The following MAST4 variants were observed in gnomAD, a reference collection of about 807,000 sequenced individuals.
The protein encoded by MAST4 is microtubule-associated serine/threonine-protein kinase 4.
A neutral mutation model predicts 162.7 loss-of-function variants in MAST4; 89 were observed. The ratio of observed to expected loss-of-function variants is 0.55; its 90% CI spans 0.46 to 0.65. The LOEUF is 0.65. MAST4 is among the 30% of genes least tolerant of loss of function. MAST4 has a pLI of 0.00. For synonymous variants in MAST4, 1,479 were observed against 1,361.1 expected, an observed-to-expected ratio of 1.09 and a Z score of -1.91; for missense variants, 3,153 against 3,374.0, an observed-to-expected ratio of 0.93 and a Z score of 1.62.
intron 4 of MAST4, among the ~76,000 whole-genome samples, chr5:67,049,070 T>TATAC: frequency 7.0e-6 from 1 of 142,614 alleles, no homozygotes; most frequent in Non-Finnish European, 1.5e-5. Flanking sequence ...CGTATATATA[T>TATAC]ATATATATAC....
chr5:66,613,707 A>ATTT (rs1743449167), intron 1 of MAST4, among the ~76,000 whole-genome samples: 1 of 152,126 alleles, frequency 6.6e-6, no homozygotes, highest in African/African-American at 2.4e-5. Flanking sequence ...AGAGCCTGTG[A>ATTT]TTTTATAAGG....
At chr5:66,792,946 A>T (rs1306515260) in intron 3 of MAST4, among the ~76,000 whole-genome samples, 1 of 152,256 alleles carries the variant, frequency 6.6e-6, no homozygotes, top group African/African-American at 2.4e-5. Context: ...TCAATATAAC[A>T]GTTCCGTGCC....
chr5:66,951,127 T>G (rs1744629111), intron 4 of MAST4, among the ~76,000 whole-genome samples: 1 of 152,226 alleles, frequency 6.6e-6, no homozygotes, highest in South Asian at 2.1e-4. Context: ...AAATTAGGCC[T>G]TAAGGTTCTG....
intron 4 of MAST4, chr5:66,917,112 C>T (rs1764164369): frequency 4.2e-6 from 3 of 706,908 alleles, no homozygotes; most frequent in Admixed American, 4.1e-5. Flanking sequence ...TACATTCTCA[C>T]CAGCACTGGA....
At chr5:66,852,189 C>T (rs1313500832) in intron 3 of MAST4, among the ~76,000 whole-genome samples, 1 of 152,020 alleles carries the variant, frequency 6.6e-6, no homozygotes, top group Non-Finnish European at 1.5e-5. Context: ...ACTCTGTCAC[C>T]CAGGCTGGAG....
chr5:67,043,266 G>A (rs536623102), intron 4 of MAST4, among the ~76,000 whole-genome samples: 15 of 152,280 alleles, frequency 9.9e-5, no homozygotes, highest in Admixed American at 5.2e-4. Context: ...TTTAATTTCT[G>A]TATAGAGAAG....
At chr5:66,808,841 C>G (rs964101992) in intron 3 of MAST4, among the ~76,000 whole-genome samples, 2 of 152,202 alleles carry the variant, frequency 1.3e-5, no homozygotes, top group Non-Finnish European at 2.9e-5. Flanking sequence ...CAGGAGGCAC[C>G]TGTGTTCTAC....
intron 3 of MAST4, among the ~76,000 whole-genome samples, chr5:66,819,951 G>GT (rs1756914807): frequency 3.0e-5 from 4 of 133,468 alleles, no homozygotes; most frequent in African/African-American, 8.3e-5. Context: ...TTTTTGTGGG[G>GT]TTTTTTCTTT....
At chr5:66,996,946 C>G (rs1478751009) in intron 4 of MAST4, among the ~76,000 whole-genome samples, 3 of 152,120 alleles carry the variant, frequency 2.0e-5, no homozygotes, top group Non-Finnish European at 4.4e-5. Context: ...TACTGTAATT[C>G]TAATTCTTTA....
At chr5:67,107,421 T>C (rs1466431804) in intron 10 of MAST4, among the ~76,000 whole-genome samples, 3 of 152,228 alleles carry the variant, frequency 2.0e-5, no homozygotes, top group African/African-American at 7.2e-5. Flanking sequence ...ATAAAGGTCT[T>C]GTTGGGCATA....
chr5:66,928,116 G>T (rs1225594176), intron 4 of MAST4, among the ~76,000 whole-genome samples: 1 of 152,180 alleles, frequency 6.6e-6, no homozygotes, highest in Non-Finnish European at 1.5e-5. Context: ...TTCCAAATAA[G>T]GTCAAATTCA....
At chr5:67,096,765 A>C (rs1764506179) in intron 7 of MAST4, among the ~76,000 whole-genome samples, 1 of 152,112 alleles carries the variant, frequency 6.6e-6, no homozygotes, top group Admixed American at 6.6e-5. Context: ...ATGGTATTTC[A>C]TTGAGCAGAG....
At chr5:66,911,463 A>C (rs1763754105) in intron 4 of MAST4, among the ~76,000 whole-genome samples, 1 of 149,554 alleles carries the variant, frequency 6.7e-6, no homozygotes, top group Non-Finnish European at 1.5e-5. Context: ...GCACTTGGAG[A>C]GGCCAAGACA....
At chr5:66,836,309 G>A (rs2149773264) in intron 3 of MAST4, among the ~76,000 whole-genome samples, 1 of 152,248 alleles carries the variant, frequency 6.6e-6, no homozygotes, top group Non-Finnish European at 1.5e-5. Context: ...ATGTTGGTGA[G>A]GTGCAGAGAA....
chr5:66,860,783 AAAAC>A (rs891167415), intron 3 of MAST4, among the ~76,000 whole-genome samples: 8 of 152,008 alleles, frequency 5.3e-5, no homozygotes, highest in African/African-American at 7.2e-5. Context: ...AAAAAAAAAA[AAAAC>A]AAACAAACCA....
intron 4 of MAST4, among the ~76,000 whole-genome samples, chr5:67,033,664 T>A (rs911262617): frequency 2.0e-5 from 3 of 152,160 alleles, no homozygotes; most frequent in Non-Finnish European, 4.4e-5. Context: ...CGTTATATGA[T>A]AAGCTGATTA....
In MAST4 at chr5:66,840,046, G is replaced by T. The variant is rs897115745; in HGVS notation, c.642+51252G>T. ...TTTACTAGCTTCACTTTTTTTTTGAGCTTTGGCCTAGTAGTTTAGTATGTT... is the reference window on the plus strand; with the variant it reads ...TTTACTAGCTTCACTTTTTTTTTGATCTTTGGCCTAGTAGTTTAGTATGTT... On this transcript the variant is annotated intron_variant, in intron 3 of 28. Coordinates refer to ENST00000403625, the MANE Select transcript of MAST4 (RefSeq NM_001164664.2). 4.6e-5 allele frequency among the ~76,000 whole-genome samples: 7 copies of T among 151,868 alleles called. No individual in the cohort carries two copies. In the South Asian group the frequency reaches 1.5e-3, roughly 32 times the overall value.
intron 1 of MAST4, among the ~76,000 whole-genome samples, chr5:66,687,642 A>G (rs13176592): frequency 1.7e-4 from 14 of 82,928 alleles, no homozygotes; most frequent in African/African-American, 6.9e-4. Flanking sequence ...GTGTTTATCT[A>G]TCTATCTATC....
chr5:66,596,881 C>A lies in MAST4; in HGVS notation c.226C>A (p.Arg76=). Residue 76 remains arginine, a synonymous_variant, in exon 1 of 29, where the codon CGG becomes AGG. Coordinates refer to ENST00000403625, the MANE Select transcript of MAST4 (RefSeq NM_001164664.2). Reference sequence around the variant, plus strand: ...GCCGTTGGGAGGCACCCTGGGCGCCCGGGCGCCCGCCGCGTGGGCTCCGGC... The same window carrying A: ...GCCGTTGGGAGGCACCCTGGGCGCCAGGGCGCCCGCCGCGTGGGCTCCGGC... ...PPPLGGTLGA[R]APAAWAPASV... 1 of 1,238,794 alleles carries A rather than the reference C, an allele frequency of 8.1e-7. No homozygotes were observed. Among genetic ancestry groups the A allele is most frequent in the Non-Finnish European group, 1.0e-6 (1 of 989,512 alleles). 76.7% of individuals were successfully genotyped at this position (1,238,794 alleles called of 1,614,324 possible).
Sources: allele counts gnomAD v4.1 joint callset (sites outside exome capture counted in the v4.1 genomes callset), GRCh38; gene constraint gnomAD v4.1.1; transcripts MANE v1.5; gene names NCBI Gene and HGNC (gene_info 2026-07-23, HGNC 2026-07-21).